The following SNTG1 variants were observed in gnomAD, a reference collection of about 807,000 sequenced individuals.
SNTG1 encodes the protein gamma-1-syntrophin.
Under a neutral mutation model 74.7 loss-of-function variants are expected in SNTG1, and 39 were observed. That is an observed-to-expected ratio of 0.52 (90% CI 0.40 to 0.68). The LOEUF (loss-of-function observed/expected upper bound fraction) is 0.68. Ranked by LOEUF, SNTG1 falls within the 30% of genes least tolerant of loss-of-function variation. The pLI is 0.00. For synonymous variants in SNTG1, 254 were observed against 217.1 expected (o/e 1.17, Z -1.49); for missense variants, 685 against 609.5 (o/e 1.12, Z -1.30).
intron 1 of SNTG1, among the ~76,000 whole-genome samples, chr8:50,141,035 C>T (rs1004089207): frequency 1.3e-5 from 2 of 152,174 alleles, no homozygotes; most frequent in African/African-American, 4.8e-5. Context: ...ACACCAGACC[C>T]ACTGGAACAG....
intron 2 of SNTG1, among the ~76,000 whole-genome samples, chr8:50,278,499 A>G (rs1318110226): frequency 2.0e-5 from 3 of 152,204 alleles, no homozygotes; most frequent in African/African-American, 7.2e-5. Context: ...TGAATCATAA[A>G]CAAGGACTCT....
chr8:49,953,541 A>G (rs1362903228), intron 1 of SNTG1, among the ~76,000 whole-genome samples: 1 of 152,224 alleles, frequency 6.6e-6, no homozygotes, highest in Non-Finnish European at 1.5e-5. Context: ...GGTGCCTGGC[A>G]CAGAGAGTAA....
intron 2 of SNTG1, among the ~76,000 whole-genome samples, chr8:50,226,390 A>T (rs1265257183): frequency 1.3e-5 from 2 of 152,144 alleles, no homozygotes; most frequent in Admixed American, 6.5e-5. Context: ...TGTATCTGTA[A>T]AGAATCTCTA....
chr8:50,078,049 A>G (rs902737177), intron 1 of SNTG1, among the ~76,000 whole-genome samples: 1 of 152,184 alleles, frequency 6.6e-6, no homozygotes, highest in Non-Finnish European at 1.5e-5. Flanking sequence ...GACTTTCCCA[A>G]TTTAATTGTC....
Position 50,598,329 on chromosome 8 carries a change from C to T in SNTG1, c.849+7412C>T, listed in dbSNP as rs139209103. Among the ~76,000 whole-genome samples, 305 of 151,988 alleles carry T rather than the reference C, an allele frequency of 2.0e-3. 2 individuals are homozygous for T. Among genetic ancestry groups the T allele is most frequent in the African/African-American group, 6.7e-3 (280 of 41,514 alleles). On this transcript the variant is annotated intron_variant, in intron 13 of 18. Transcript: ENST00000642720. Reference sequence around the variant, plus strand: ...GAGTATAGACATGCAGTTTTCCCAACATTGTTATTGAAAAAACTGTTCTTT... The same window carrying T: ...GAGTATAGACATGCAGTTTTCCCAATATTGTTATTGAAAAAACTGTTCTTT...
intron 1 of SNTG1, among the ~76,000 whole-genome samples, chr8:50,084,042 T>G (rs1268116795): frequency 2.0e-5 from 3 of 152,218 alleles, no homozygotes; most frequent in East Asian, 3.8e-4. Flanking sequence ...ATTATTTTAT[T>G]GCTATAGCCA....
At chr8:50,079,416 T>G (rs1326628759) in intron 1 of SNTG1, among the ~76,000 whole-genome samples, 1 of 151,906 alleles carries the variant, frequency 6.6e-6, no homozygotes, top group Non-Finnish European at 1.5e-5. Flanking sequence ...GTTTGTTTTT[T>G]TTTTTCTTGT....
At chr8:49,972,153 G>T (rs959270134) in intron 1 of SNTG1, among the ~76,000 whole-genome samples, 13 of 152,134 alleles carry the variant, frequency 8.5e-5, no homozygotes, top group African/African-American at 1.7e-4. Flanking sequence ...GCATGGTACT[G>T]GTACCAAAAC....
chr8:50,508,447 T>G (rs1009068639), intron 9 of SNTG1, among the ~76,000 whole-genome samples: 8 of 152,162 alleles, frequency 5.3e-5, no homozygotes, highest in South Asian at 2.1e-4. Flanking sequence ...GTAATGGGAT[T>G]GCTGGGTCAA....
intron 2 of SNTG1, among the ~76,000 whole-genome samples, chr8:50,242,369 CAT>C (rs1475592677): frequency 6.6e-6 from 1 of 151,410 alleles, no homozygotes; most frequent in African/African-American, 2.4e-5. Flanking sequence ...TCTCTACTAA[CAT>C]AGAAAAATTA....
chr8:50,511,199 G>T (rs1439574217), intron 9 of SNTG1, among the ~76,000 whole-genome samples: 2 of 152,178 alleles, frequency 1.3e-5, no homozygotes, highest in Non-Finnish European at 2.9e-5. Context: ...GGAGCAGGTT[G>T]TTCAGTTTCC....
At chr8:50,206,253 T>G (rs929647413) in intron 2 of SNTG1, among the ~76,000 whole-genome samples, 30 of 152,090 alleles carry the variant, frequency 2.0e-4, no homozygotes, top group Non-Finnish European at 4.3e-4. Context: ...TTGAGCAGTG[T>G]TTTGTAGTTC....
intron 18 of SNTG1, among the ~76,000 whole-genome samples, chr8:50,774,416 G>A (rs970793527): frequency 6.6e-6 from 1 of 151,708 alleles, no homozygotes; most frequent in Admixed American, 6.6e-5. Flanking sequence ...ATTTTTTATA[G>A]TAAACTGTGG....
At chr8:50,515,146 G>A (rs1312197775) in intron 9 of SNTG1, among the ~76,000 whole-genome samples, 1 of 152,000 alleles carries the variant, frequency 6.6e-6, no homozygotes, top group Non-Finnish European at 1.5e-5. Flanking sequence ...GCATACATAA[G>A]CATATCTTGG....
intron 2 of SNTG1, among the ~76,000 whole-genome samples, chr8:50,335,257 G>C (rs1321494728): frequency 6.6e-6 from 1 of 152,094 alleles, no homozygotes; most frequent in Admixed American, 6.6e-5. Flanking sequence ...CAAACTTGGT[G>C]GTTTAGAACA....
Position 50,402,358 on chromosome 8 carries a change from T to C in SNTG1, c.162+14T>C, listed in dbSNP as rs766377735. On this transcript the variant is annotated intron_variant, in intron 4 of 18. Coordinates refer to ENST00000642720, the MANE Select transcript of SNTG1 (RefSeq NM_018967.5). ...TTCTATTCTGGTGTAAGTAGCTTTT[T>C]CTTCTGTTGAAATTTTTTGTGTTTG... 1.3e-5 allele frequency: 21 copies of C among 1,568,296 alleles called. No homozygotes were observed. In the African/African-American group the frequency reaches 2.2e-4, roughly 17 times the overall value.
intron 1 of SNTG1, among the ~76,000 whole-genome samples, chr8:49,939,706 C>T (rs547115659): frequency 6.6e-6 from 1 of 152,022 alleles, no homozygotes; most frequent in African/African-American, 2.4e-5. Context: ...GTCATTAAGC[C>T]TTTTAAAATA....
chr8:49,966,730 C>A (rs1392732921), intron 1 of SNTG1, among the ~76,000 whole-genome samples: 2 of 152,102 alleles, frequency 1.3e-5, no homozygotes, highest in East Asian at 3.9e-4. Flanking sequence ...CATATTTAAC[C>A]TATGGAAATA....
chr8:50,576,024 A>G (rs2094574777), intron 12 of SNTG1, among the ~76,000 whole-genome samples: 1 of 152,134 alleles, frequency 6.6e-6, no homozygotes, highest in Non-Finnish European at 1.5e-5. Context: ...GGCTTTATCC[A>G]TTTGGAAAAT....
Sources: gnomAD v4.1 joint callset for allele counts (sites outside exome capture counted in the v4.1 genomes callset) on GRCh38, gnomAD v4.1.1 for gene constraint, MANE v1.5 for transcripts, NCBI Gene and HGNC (gene_info 2026-07-23, HGNC 2026-07-21) for gene names.